GUCY1B1: variants seen among roughly 807,000 people sequenced by gnomAD.
GUCY1B1 encodes the protein guanylate cyclase soluble subunit beta-1.
In GUCY1B1, 43 loss-of-function variants were observed where a neutral mutation model predicts 71.0. The ratio of observed to expected loss-of-function variants is 0.61; its 90% confidence interval spans 0.47 to 0.78. GUCY1B1 has a LOEUF of 0.78. Among genes scored for constraint, GUCY1B1 ranks in the 30% least tolerant of loss-of-function variants. The probability of loss-of-function intolerance (pLI) is 0.00; values close to 1 mark genes in which losing one functional copy is unlikely to be tolerated. For missense variants in GUCY1B1, 535 were observed against 754.1 expected (o/e 0.71, Z 3.40); for synonymous variants, 266 against 259.7 (o/e 1.02, Z -0.23).
intron 2 of GUCY1B1, among the ~76,000 whole-genome samples, chr4:155,761,936 T>A (rs2110958320): frequency 6.6e-6 from 1 of 152,328 alleles, no homozygotes; most frequent in South Asian, 2.1e-4. Flanking sequence ...GTCACACTGG[T>A]GTTGGTAATC....
intron 1 of GUCY1B1, 176 bp from the exon 2 acceptor site, chr4:155,759,611 G>T: frequency 1.8e-6 from 1 of 551,924 alleles, no homozygotes; most frequent in Non-Finnish European, 3.2e-6. Flanking sequence ...AGGGATTGGG[G>T]GGTTGCGCCC....
At chr4:155,793,663 C>T (rs997168062) in intron 5 of GUCY1B1, among the ~76,000 whole-genome samples, 193 bp from the exon 6 acceptor site, 2 of 152,082 alleles carry the variant, frequency 1.3e-5, no homozygotes, top group African/African-American at 4.8e-5. Context: ...AATGATTATT[C>T]AATCTTCAAA....
At chr4:155,772,463 G>A in intron 2 of GUCY1B1, 1 of 391,068 alleles carries the variant, frequency 2.6e-6, no homozygotes, top group South Asian at 4.6e-5. Flanking sequence ...TGCCCAGGCT[G>A]AAATGCAGTG....
At chr4:155,785,892 C>A (rs1738728279) in intron 4 of GUCY1B1, among the ~76,000 whole-genome samples, 1 of 152,044 alleles carries the variant, frequency 6.6e-6, no homozygotes, top group Admixed American at 6.6e-5. Context: ...ATAGTAAATT[C>A]AATAACACAG....
intron 5 of GUCY1B1, among the ~76,000 whole-genome samples, chr4:155,790,346 A>C (rs184039795): frequency 6.6e-6 from 1 of 152,272 alleles, no homozygotes; most frequent in East Asian, 1.9e-4. Flanking sequence ...ATATAGTTGG[A>C]ATGTCTAATT....
chr4:155,759,263 A>T, intron 1 of GUCY1B1, 120 bp downstream of exon 1: 1 of 996,580 alleles, frequency 1.0e-6, no homozygotes, highest in Admixed American at 2.2e-5. Flanking sequence ...ACTGCCGGCC[A>T]CGGGAGCAGC....
chr4:155,789,919 AC>A lies in GUCY1B1; in HGVS notation c.495+9del. The A allele has an allele frequency of 1.9e-6, 3 of 1,570,822 alleles. No homozygotes were observed. Among genetic ancestry groups the A allele is most frequent in the Non-Finnish European group, 2.6e-6 (3 of 1,144,608 alleles). ...ACTGAAATAGACATGAAGGTAACAA[AC>A]AGCAATGGAGACTTCTGAACACAGA... On this transcript the variant is annotated intron_variant, in intron 5 of 13. Coordinates refer to ENST00000264424, the MANE Select transcript of GUCY1B1 (RefSeq NM_000857.5).
rs769451064 is a variant in GUCY1B1, at chr4:155,802,369, T to C, written c.1203T>C (p.Ser401=). 10 of 1,613,804 alleles carry C rather than the reference T, an allele frequency of 6.2e-6. No homozygotes were observed. The highest frequency in any genetic ancestry group is 8.5e-6 in the Non-Finnish European group (10 of 1,179,770). ...DTLLYSVLPP[S]VANELRHKRP... ...TGCTGTATTCTGTCCTTCCTCCGTC[T>C]GTTGCCAATGAGCTGCGGCACAAGC... Residue 401 remains serine (S), a synonymous_variant, in exon 10 of 14, where the codon TCT becomes TCC. Transcript: ENST00000264424. This position sits in a 1 kb window ranked among gnomAD's most constrained non-coding sequence, Gnocchi z 4.3.
At chr4:155,778,046 A>G (rs904459714) in intron 4 of GUCY1B1, among the ~76,000 whole-genome samples, 1 of 152,166 alleles carries the variant, frequency 6.6e-6, no homozygotes, top group Admixed American at 6.5e-5. Flanking sequence ...TAATCGAGCA[A>G]TGTATCAGTA....
chr4:155,801,326 A>G (rs1254505937), intron 9 of GUCY1B1, among the ~76,000 whole-genome samples: 2 of 152,160 alleles, frequency 1.3e-5, no homozygotes, highest in Non-Finnish European at 2.9e-5. Flanking sequence ...TATTTTTTAG[A>G]TTATTAGATT....
In GUCY1B1 at chr4:155,785,374, A is replaced by G. The variant is rs766179114; in HGVS notation, c.298-4340A>G. The G allele has an allele frequency of 2.1e-5, 18 of 855,978 alleles. No individual in the cohort carries two copies. The South Asian group carries it at 2.6e-4, about 12-fold the overall frequency. 53.0% of individuals were successfully genotyped at this position (855,978 alleles called of 1,614,324 possible). On this transcript the variant is annotated intron_variant, in intron 4 of 13. Transcript: ENST00000264424. Reference sequence around the variant, plus strand: ...CAGTGTCTTTTTTACTTTCATACATATGGACATACTTCTTTGCAATTGGCC... The same window carrying G: ...CAGTGTCTTTTTTACTTTCATACATGTGGACATACTTCTTTGCAATTGGCC...
chr4:155,805,361 A>T, intron 13 of GUCY1B1, 132 bp downstream of exon 13: 1 of 758,492 alleles, frequency 1.3e-6, no homozygotes. Flanking sequence ...TAAGTAAAGC[A>T]GTGGAAATAA....
At chr4:155,803,790 A>AT (rs753505942) in intron 11 of GUCY1B1, 26 bp downstream of exon 11, 5 of 1,473,176 alleles carry the variant, frequency 3.4e-6, no homozygotes, top group Middle Eastern at 1.8e-4. Flanking sequence ...AGATATTGTA[A>AT]TAATGGTATG....
At chr4:155,786,928 C>A (rs1738839741) in intron 4 of GUCY1B1, among the ~76,000 whole-genome samples, 1 of 151,976 alleles carries the variant, frequency 6.6e-6, no homozygotes, top group Admixed American at 6.6e-5. Flanking sequence ...TTTAAGTGAG[C>A]CAACAACACA....
At chr4:155,796,549 C>A in intron 8 of GUCY1B1, 39 bp downstream of exon 8, 1 of 1,356,076 alleles carries the variant, frequency 7.4e-7, no homozygotes, top group Non-Finnish European at 1.0e-6. Flanking sequence ...CTATCAGTAC[C>A]TATCTTTAGC....
intron 2 of GUCY1B1, among the ~76,000 whole-genome samples, chr4:155,764,089 C>T (rs1010752027): frequency 1.3e-5 from 2 of 152,026 alleles, no homozygotes; most frequent in Non-Finnish European, 2.9e-5. Context: ...AACAAATGCT[C>T]TTAATATCCA....
intron 13 of GUCY1B1, among the ~76,000 whole-genome samples, chr4:155,806,013 C>T (rs1486162160): frequency 6.6e-6 from 1 of 152,142 alleles, no homozygotes; most frequent in African/African-American, 2.4e-5. Context: ...GATAAGACTG[C>T]ATGCTCATAT....
intron 9 of GUCY1B1, among the ~76,000 whole-genome samples, chr4:155,801,319 T>A (rs975608138): frequency 1.5e-4 from 23 of 152,346 alleles, no homozygotes; most frequent in African/African-American, 5.1e-4. Context: ...CTTATATTAT[T>A]TTTTAGATTA....
intron 7 of GUCY1B1, among the ~76,000 whole-genome samples, chr4:155,796,105 TA>T (rs1294656565): frequency 6.6e-6 from 1 of 152,080 alleles, no homozygotes. Context: ...ATCAGGGGGA[TA>T]AAAAAGATTC....
Sources: allele counts gnomAD v4.1 joint callset (sites outside exome capture counted in the v4.1 genomes callset), GRCh38; gene constraint gnomAD v4.1.1; non-coding constraint Gnocchi (gnomAD v3.1); transcripts MANE v1.5; gene names NCBI Gene and HGNC (gene_info 2026-07-23, HGNC 2026-07-21).